PCDH15: variants seen among roughly 807,000 people sequenced by gnomAD.
PCDH15 encodes the protein protocadherin related 15.
A neutral mutation model predicts 178.5 loss-of-function variants in PCDH15; 129 were observed. The observed-to-expected ratio is 0.72, with a 90% CI of 0.63 to 0.84. The LOEUF is 0.84. Among genes scored for constraint, PCDH15 ranks in the 40% least tolerant of loss-of-function variants. The pLI is 0.00. For missense variants in PCDH15, 2,230 were observed against 2,099.9 expected (o/e 1.06, Z -1.21); for synonymous variants, 800 against 732.0 (o/e 1.09, Z -1.50).
At chr10:54,947,116 G>T (rs1838216830) in intron 2 of PCDH15, among the ~76,000 whole-genome samples, 1 of 151,822 alleles carries the variant, frequency 6.6e-6, no homozygotes, top group Non-Finnish European at 1.5e-5. Flanking sequence ...CAGCTATTAT[G>T]TATAAGACAC....
intron 3 of PCDH15, among the ~76,000 whole-genome samples, chr10:54,852,517 T>C (rs1211799220): frequency 6.6e-6 from 1 of 152,122 alleles, no homozygotes; most frequent in African/African-American, 2.4e-5. Flanking sequence ...AGAGAACTCC[T>C]ACAAAAAATA....
chr10:55,051,027 G>A (rs1365460945), intron 2 of PCDH15, among the ~76,000 whole-genome samples: 1 of 152,004 alleles, frequency 6.6e-6, no homozygotes, highest in Non-Finnish European at 1.5e-5. Context: ...TGTAACTACT[G>A]CTAATTGTGT....
At chr10:53,832,671 AT>A (rs1275258610) in intron 29 of PCDH15, among the ~76,000 whole-genome samples, 1 of 152,074 alleles carries the variant, frequency 6.6e-6, no homozygotes, top group Non-Finnish European at 1.5e-5. Context: ...ACACAAAAAA[AT>A]GCAAAAGAAA....
chr10:54,361,325 T>G (rs1946014287), intron 5 of PCDH15, among the ~76,000 whole-genome samples: 1 of 152,104 alleles, frequency 6.6e-6, no homozygotes, highest in Admixed American at 6.6e-5. Context: ...AAAGAAATGC[T>G]TCATGGTGAA....
At chr10:55,513,504 C>T (rs1840939363) in intron 2 of PCDH15, among the ~76,000 whole-genome samples, 1 of 151,974 alleles carries the variant, frequency 6.6e-6, no homozygotes. Flanking sequence ...GTCAGAAATG[C>T]TTGGTTATAA....
intron 20 of PCDH15, among the ~76,000 whole-genome samples, chr10:54,010,299 C>T (rs1019250964): frequency 2.0e-5 from 3 of 151,960 alleles, no homozygotes; most frequent in Admixed American, 6.6e-5. Context: ...TACTTCTCAC[C>T]GGGCAGGGCT....
intron 18 of PCDH15, among the ~76,000 whole-genome samples, chr10:54,034,941 C>CT (rs1389863248): frequency 6.6e-6 from 1 of 151,746 alleles, no homozygotes; most frequent in Admixed American, 6.6e-5. Flanking sequence ...TATTAACATC[C>CT]TTTTTTCTTT....
At chr10:55,532,098 T>C (rs1185326907) in intron 2 of PCDH15, among the ~76,000 whole-genome samples, 1 of 151,992 alleles carries the variant, frequency 6.6e-6, no homozygotes, top group African/African-American at 2.4e-5. Context: ...CTATTTATAA[T>C]TTTCTAATAT....
At chr10:55,200,914 G>A (rs970879546) in intron 1 of PCDH15, among the ~76,000 whole-genome samples, 1 of 152,070 alleles carries the variant, frequency 6.6e-6, no homozygotes, top group Non-Finnish European at 1.5e-5. Flanking sequence ...TTCCTGTAAA[G>A]CCAGTGAAAC....
intron 1 of PCDH15, among the ~76,000 whole-genome samples, chr10:55,235,768 G>A (rs1372546775): frequency 1.3e-5 from 2 of 151,806 alleles, no homozygotes; most frequent in African/African-American, 2.4e-5. Flanking sequence ...TTAGCCGGGC[G>A]CGGTGGCATG....
chr10:54,744,926 CA>C, intron 1 of PCDH15, among the ~76,000 whole-genome samples: 1 of 151,976 alleles, frequency 6.6e-6, no homozygotes, highest in South Asian at 2.1e-4. Context: ...TGTTTACAGA[CA>C]TTTTGTGTGT....
At chr10:55,428,154 T>C (rs2132053578) in intron 2 of PCDH15, among the ~76,000 whole-genome samples, 1 of 152,132 alleles carries the variant, frequency 6.6e-6, no homozygotes, top group African/African-American at 2.4e-5. Flanking sequence ...CCTAATCAAT[T>C]AGTGTTTGAC....
intron 1 of PCDH15, among the ~76,000 whole-genome samples, chr10:55,170,904 GA>G (rs913804952): frequency 1.3e-5 from 2 of 151,984 alleles, no homozygotes; most frequent in Admixed American, 6.6e-5. Context: ...AAAAGAAAAA[GA>G]AAAAGAAAGC....
chr10:54,777,586 C>A (rs1178410741), intron 1 of PCDH15, among the ~76,000 whole-genome samples: 1 of 152,160 alleles, frequency 6.6e-6, no homozygotes, highest in African/African-American at 2.4e-5. Flanking sequence ...TTATATAAGA[C>A]TTGAGTTGCT....
At chr10:54,859,848 A>G (rs1375654115) in intron 3 of PCDH15, among the ~76,000 whole-genome samples, 2 of 151,864 alleles carry the variant, frequency 1.3e-5, no homozygotes, top group African/African-American at 2.4e-5. Context: ...TGCTACTTGT[A>G]TATCTCCTTT....
chr10:54,927,607 T>A (rs1326016971), intron 2 of PCDH15, among the ~76,000 whole-genome samples: 1 of 152,126 alleles, frequency 6.6e-6, no homozygotes, highest in Non-Finnish European at 1.5e-5. Context: ...GCTTTATGAA[T>A]CTTAGTGCTC....
intron 2 of PCDH15, among the ~76,000 whole-genome samples, chr10:55,078,276 G>A (rs918442232): frequency 5.9e-5 from 9 of 152,142 alleles, no homozygotes; most frequent in Non-Finnish European, 1.2e-4. Context: ...TTGAGAGATT[G>A]ACTATATTGT....
In PCDH15 at chr10:54,053,651, C is replaced by G. The variant is rs187145717; in HGVS notation, c.2220+13106G>C. Among the ~76,000 whole-genome samples, 7 of 152,112 alleles carry G rather than the reference C, an allele frequency of 4.6e-5. No homozygotes were observed. The Middle Eastern group carries it at 0.017, about 372-fold the overall frequency. On this transcript the variant is annotated intron_variant, in intron 18 of 37. Coordinates refer to ENST00000644397, the MANE Select transcript of PCDH15 (RefSeq NM_001384140.1). ...ATCAAGGTGGGGGTATAAACAGATG[C>G]AAAGAGACATATATTAGCAATTGTG...
At chr10:55,447,170 T>C (rs1029330734) in intron 2 of PCDH15, among the ~76,000 whole-genome samples, 1 of 152,046 alleles carries the variant, frequency 6.6e-6, no homozygotes, top group Non-Finnish European at 1.5e-5. Context: ...ATGAAATAAC[T>C]CCATACTTTC....
Sources: allele counts gnomAD v4.1 joint callset (sites outside exome capture counted in the v4.1 genomes callset), GRCh38; gene constraint gnomAD v4.1.1; transcripts MANE v1.5; gene names NCBI Gene and HGNC (gene_info 2026-07-23, HGNC 2026-07-21).